MEIOB: variants seen among roughly 807,000 people sequenced by gnomAD.
The protein encoded by MEIOB is meiosis specific with OB-fold, also known as meiosis-specific with OB domain-containing protein.
Under a neutral mutation model 53.1 loss-of-function variants are expected in MEIOB, and 50 were observed. The observed-to-expected ratio is 0.94, with a 90% CI of 0.75 to 1.19. The LOEUF is 1.19. Ranked by LOEUF, MEIOB falls within the 50% of genes most tolerant of loss-of-function variation. The probability of loss-of-function intolerance (pLI) is 0.00; values close to 1 mark genes in which losing one functional copy is unlikely to be tolerated. For missense variants in MEIOB, 551 were observed against 550.8 expected, an observed-to-expected ratio of 1.00 and a Z score of 0.00; for synonymous variants, 192 against 182.5, an observed-to-expected ratio of 1.05 and a Z score of -0.42.
At chr16:1,863,352 T>TCG (rs1321091407) in intron 3 of MEIOB, among the ~76,000 whole-genome samples, 1 of 44,082 alleles carries the variant, frequency 2.3e-5, no homozygotes, top group African/African-American at 8.4e-5. Flanking sequence ...AGGCTAATTT[T>TCG]TGTTTTTTGT....
At chr16:1,868,758 G>C (rs1306203250) in intron 1 of MEIOB, among the ~76,000 whole-genome samples, 1 of 151,724 alleles carries the variant, frequency 6.6e-6, no homozygotes, top group Non-Finnish European at 1.5e-5. Flanking sequence ...GGGAGGCTGA[G>C]GCAGGAGAAT....
At chr16:1,834,879 G>A (rs1396474175) in intron 13 of MEIOB, among the ~76,000 whole-genome samples, 1 of 152,086 alleles carries the variant, frequency 6.6e-6, no homozygotes, top group East Asian at 1.9e-4. Flanking sequence ...AGGTTGCAGT[G>A]AGCAGAGATT....
At chr16:1,849,644 G>C (rs9938029) in intron 9 of MEIOB, among the ~76,000 whole-genome samples, 125,491 of 151,658 alleles carry the variant, frequency 0.83, 52,040 homozygotes, top group Middle Eastern at 0.9. Flanking sequence ...GCACATGTAT[G>C]CCAGAACTTA....
Position 1,857,930 on chromosome 16 carries a change from G to T in MEIOB, c.333C>A (p.Ser111Arg), listed in dbSNP as rs1270005644. 1.3e-6 allele frequency: 2 copies of T among 1,510,398 alleles called. No homozygotes were observed. The highest frequency in any genetic ancestry group is 2.5e-5 in the East Asian group (1 of 40,094). The allele number at this position is 1,510,398 out of a possible 1,614,324, so 93.6% of individuals were successfully genotyped here. The change falls in exon 6 of 14, where the codon AGC becomes AGA. Residue 111 changes from serine (S) to arginine (R), a missense_variant and splice_region_variant. Ser to Arg is a moderately radical substitution (Grantham distance 110). Transcript: ENST00000325962. ...TCTCACTGAGCAACAGTTTACAGTTGCTAAATTGCAAAAACACAAGAAAGT... is the reference window on the plus strand; with the variant it reads ...TCTCACTGAGCAACAGTTTACAGTTTCTAAATTGCAAAAACACAAGAAAGT... ...REEKFSPATP[S>R]NCKLLLSENH... is the part of the protein sequence containing the mutation.
intron 3 of MEIOB, among the ~76,000 whole-genome samples, chr16:1,865,198 G>A (rs905062130): frequency 3.3e-5 from 5 of 152,120 alleles, no homozygotes; most frequent in Non-Finnish European, 7.3e-5. Context: ...TTGGGAGGCC[G>A]AGGCAGGGAG....
intron 9 of MEIOB, among the ~76,000 whole-genome samples, chr16:1,850,349 C>T (rs1310237016): frequency 8.6e-5 from 13 of 151,990 alleles, no homozygotes; most frequent in South Asian, 2.1e-4. Context: ...GAGGCCGAGG[C>T]GGGCGGATCA....
chr16:1,868,270 T>A (rs1175696059), intron 1 of MEIOB, 86 bp from the exon 2 acceptor site: 1 of 750,702 alleles, frequency 1.3e-6, no homozygotes, highest in Non-Finnish European at 2.2e-6. Flanking sequence ...TAAAATCTTA[T>A]TTAGGGCCGG....
intron 1 of MEIOB, among the ~76,000 whole-genome samples, chr16:1,869,609 G>C (rs962245010): frequency 6.7e-6 from 1 of 150,222 alleles, no homozygotes; most frequent in Admixed American, 6.6e-5. Context: ...CACCACGCCT[G>C]GCTAATTTTG....
At position 1,868,189 on chromosome 16, in the gene MEIOB, AT is replaced by A; in HGVS notation, c.-9-6del. On this transcript the variant is annotated splice_region_variant and splice_polypyrimidine_tract_variant and intron_variant, in intron 1 of 13. Coordinates refer to ENST00000325962, the MANE Select transcript of MEIOB (RefSeq NM_001163560.3). ...GGAGTTTGCCATTTTTTTAATCTGC[AT>A]TTTAGAAAATATAATTTAGATATAT... is the stretch of plus-strand genomic sequence containing the variant. 2 of 1,412,982 alleles carry A rather than the reference AT, an allele frequency of 1.4e-6. No homozygotes were observed. The highest frequency in any genetic ancestry group is 1.4e-5 in the African/African-American group (1 of 70,394). 87.5% of individuals were successfully genotyped at this position (1,412,982 alleles called of 1,614,324 possible). A position where few individuals can be genotyped will look rare whatever the true frequency, so the allele number is the denominator to read the frequency against.
At chr16:1,835,168 C>A (rs1898708548) in intron 13 of MEIOB, among the ~76,000 whole-genome samples, 2 of 151,822 alleles carry the variant, frequency 1.3e-5, no homozygotes, top group Non-Finnish European at 2.9e-5. Context: ...GCGGGAGGAT[C>A]ACTTGAGCCT....
At chr16:1,835,596 A>G (rs1389116006) in intron 13 of MEIOB, among the ~76,000 whole-genome samples, 1 of 152,192 alleles carries the variant, frequency 6.6e-6, no homozygotes, top group African/African-American at 2.4e-5. Context: ...ATGTTGTGGT[A>G]GTCTGACATT....
At chr16:1,854,298 A>T in intron 6 of MEIOB, 98 bp from the exon 7 acceptor site, 2 of 683,786 alleles carry the variant, frequency 2.9e-6, no homozygotes, top group Non-Finnish European at 5.0e-6. Context: ...TTAAACACCA[A>T]ATTAGAAATA....
intron 7 of MEIOB, 33 bp from the exon 8 acceptor site, chr16:1,853,304 G>C (rs558415234): frequency 1.4e-6 from 2 of 1,437,298 alleles, no homozygotes; most frequent in East Asian, 5.0e-5. Flanking sequence ...AATACAAATT[G>C]AATACACTAG....
chr16:1,838,763 C>T (rs1898816760), intron 12 of MEIOB, among the ~76,000 whole-genome samples: 3 of 152,112 alleles, frequency 2.0e-5, no homozygotes, highest in Admixed American at 2.0e-4. Context: ...GTGATCTTGG[C>T]TCACTGCAAC....
intron 10 of MEIOB, 132 bp downstream of exon 10, chr16:1,844,730 A>G (rs772118133): frequency 3.7e-6 from 2 of 546,686 alleles, no homozygotes; most frequent in Non-Finnish European, 6.6e-6. Flanking sequence ...CACTATTTTA[A>G]GCTACCTTTA....
At chr16:1,861,406 TATAAC>T (rs1899437948) in intron 4 of MEIOB, among the ~76,000 whole-genome samples, 1 of 152,148 alleles carries the variant, frequency 6.6e-6, no homozygotes, top group South Asian at 2.1e-4. Flanking sequence ...GATAACCAAT[TATAAC>T]AATAAAATGG....
chr16:1,849,901 A>G (rs1029761017), intron 9 of MEIOB, among the ~76,000 whole-genome samples: 1 of 152,246 alleles, frequency 6.6e-6, no homozygotes, highest in Non-Finnish European at 1.5e-5. Context: ...TATGTTAATT[A>G]GCTTGATTTA....
chr16:1,850,127 T>C (rs1899128015), intron 9 of MEIOB, among the ~76,000 whole-genome samples: 1 of 152,226 alleles, frequency 6.6e-6, no homozygotes, highest in Non-Finnish European at 1.5e-5. Context: ...CAACATCCTA[T>C]AATATCTGTC....
rs1242106385 is a variant in MEIOB, at chr16:1,841,823, C to A, written c.1031G>T (p.Arg344Ile). Residue 344 changes from arginine (R) to isoleucine (I), a missense_variant, in exon 11 of 14, where the codon AGA becomes ATA. Transcript: ENST00000325962. ...DDETTKVVRN[R>I]CSSCGYIVNE... ...TAAAAGTGACACGGATCCTTACCAT[C>A]TATTTCGAACTACTTTTGTAGTTTC... 1.9e-6 allele frequency: 3 copies of A among 1,565,804 alleles called. No homozygotes were observed. The highest frequency in any genetic ancestry group is 2.6e-6 in the Non-Finnish European group (3 of 1,157,498).
Sources: allele counts gnomAD v4.1 joint callset (sites outside exome capture counted in the v4.1 genomes callset), GRCh38; gene constraint gnomAD v4.1.1; transcripts MANE v1.5; gene names NCBI Gene and HGNC (gene_info 2026-07-23, HGNC 2026-07-21).